Variants in XKR9 observed in about 807,000 individuals in gnomAD.
The protein encoded by XKR9 is XK related 9, also known as XK-related protein 9.
In XKR9, 32 loss-of-function variants were observed where a neutral mutation model predicts 32.0. That is an observed-to-expected ratio of 1.00 (90% CI 0.76 to 1.34). XKR9 has a LOEUF of 1.34. Among genes scored for constraint, XKR9 ranks in the 40% most tolerant of loss-of-function variants. The pLI, the probability that XKR9 is intolerant of heterozygous loss-of-function variation, is 0.00. For synonymous variants in XKR9, 168 were observed against 143.4 expected (o/e 1.17, Z -1.22); for missense variants, 546 against 429.7 (o/e 1.27, Z -2.39).
the XKR9 span, among the ~76,000 whole-genome samples, chr8:70,805,478 C>T: frequency 6.6e-6 from 1 of 152,146 alleles, no homozygotes; most frequent in East Asian, 1.9e-4. Flanking sequence ...AAGCCAGCAC[C>T]GGGACTCACA....
chr8:71,030,894 G>A, the XKR9 span, among the ~76,000 whole-genome samples: 1 of 152,114 alleles, frequency 6.6e-6, no homozygotes, highest in Non-Finnish European at 1.5e-5. Flanking sequence ...CTGTAATTCA[G>A]TGACTGTTAT....
the XKR9 span, among the ~76,000 whole-genome samples, chr8:70,816,695 T>C: frequency 9.9e-5 from 15 of 152,112 alleles, no homozygotes; most frequent in Admixed American, 5.9e-4. Context: ...ACAGAATCCT[T>C]GCAAGCCCGA....
intron 4 of XKR9, among the ~76,000 whole-genome samples, chr8:70,724,069 C>T (rs1466513803): frequency 2.6e-5 from 4 of 151,994 alleles, no homozygotes; most frequent in Non-Finnish European, 4.4e-5. Context: ...GCCTTTTCTT[C>T]GGAGATGCCC....
chr8:70,836,815 T>G, the XKR9 span, among the ~76,000 whole-genome samples: 1 of 152,142 alleles, frequency 6.6e-6, no homozygotes, highest in African/African-American at 2.4e-5. Flanking sequence ...GGCACTATGC[T>G]GGGCACTGGG....
At chr8:70,951,554 A>T in the XKR9 span, among the ~76,000 whole-genome samples, 1 of 152,290 alleles carries the variant, frequency 6.6e-6, no homozygotes, top group African/African-American at 2.4e-5. Flanking sequence ...CAAATCAGTT[A>T]TGTGTACCTG....
chr8:70,689,505 A>G (rs1412836643), intron 3 of XKR9, among the ~76,000 whole-genome samples: 1 of 148,702 alleles, frequency 6.7e-6, no homozygotes, highest in Non-Finnish European at 1.5e-5. Flanking sequence ...TGTATTATAT[A>G]TATATGTATA....
chr8:70,972,170 C>T, the XKR9 span, among the ~76,000 whole-genome samples: 3 of 152,040 alleles, frequency 2.0e-5, no homozygotes, highest in African/African-American at 7.2e-5. Context: ...AGAGGTCTTT[C>T]TTGTCCTTGG....
At chr8:70,745,509 G>A (rs1347951486) in intron 2 of XKR9, among the ~76,000 whole-genome samples, 1 of 152,172 alleles carries the variant, frequency 6.6e-6, no homozygotes, top group Non-Finnish European at 1.5e-5. Flanking sequence ...CTCCTGGAGT[G>A]CTTATTGAAA....
the XKR9 span, among the ~76,000 whole-genome samples, chr8:71,024,162 G>A: frequency 1.3e-5 from 2 of 152,176 alleles, no homozygotes; most frequent in African/African-American, 4.8e-5. Context: ...TGCAGTAATG[G>A]CAGTGGACAG....
At chr8:70,821,713 G>A in the XKR9 span, among the ~76,000 whole-genome samples, 1 of 152,218 alleles carries the variant, frequency 6.6e-6, no homozygotes, top group Non-Finnish European at 1.5e-5. Context: ...CTGAAGCAAT[G>A]GCCTGAGCAG....
the XKR9 span, among the ~76,000 whole-genome samples, chr8:70,951,423 C>T: frequency 6.6e-6 from 1 of 152,226 alleles, no homozygotes; most frequent in African/African-American, 2.4e-5. Context: ...TCATGGCCAG[C>T]TGAAACCATC....
intron 3 of XKR9, among the ~76,000 whole-genome samples, chr8:70,704,642 T>C (rs1214604345): frequency 6.6e-5 from 10 of 152,178 alleles, no homozygotes; most frequent in Admixed American, 5.9e-4. Flanking sequence ...TTTGCTCTGC[T>C]ACCTCTCTCA....
the XKR9 span, among the ~76,000 whole-genome samples, chr8:70,801,797 G>A: frequency 6.6e-6 from 1 of 152,128 alleles, no homozygotes; most frequent in Non-Finnish European, 1.5e-5. Flanking sequence ...GGTTATCTGA[G>A]TCTATTCATA....
At chr8:70,745,371 AAG>A (rs1378282900) in intron 2 of XKR9, among the ~76,000 whole-genome samples, 1 of 152,224 alleles carries the variant, frequency 6.6e-6, no homozygotes, top group Non-Finnish European at 1.5e-5. Flanking sequence ...AAATTTAAAA[AAG>A]AAAAATAATT....
chr8:70,786,874 G>T (rs1344204803), intron 2 of XKR9, among the ~76,000 whole-genome samples: 2 of 151,990 alleles, frequency 1.3e-5, no homozygotes, highest in South Asian at 2.1e-4. Context: ...TTCCTTCGTG[G>T]TTGATGGTTT....
chr8:70,900,309 C>T, the XKR9 span, among the ~76,000 whole-genome samples: 1 of 152,036 alleles, frequency 6.6e-6, no homozygotes, highest in Non-Finnish European at 1.5e-5. Flanking sequence ...AGGAACTCCA[C>T]GCTGGGTGCA....
chr8:71,050,233 A>G, the XKR9 span, among the ~76,000 whole-genome samples: 1 of 102,852 alleles, frequency 9.7e-6, no homozygotes, highest in Non-Finnish European at 2.2e-5. Context: ...TATGCCTGGC[A>G]GAGATATATA....
At chr8:70,740,258 A>G (rs1402063031), downstream of XKR9, among the ~76,000 whole-genome samples, 2 of 151,952 alleles carry the variant, frequency 1.3e-5, no homozygotes, top group Non-Finnish European at 2.9e-5. Flanking sequence ...AGTTGATCGC[A>G]TTGGCTCCTG....
intron 1 of XKR9, among the ~76,000 whole-genome samples, chr8:70,670,870 T>C (rs1324093493): frequency 1.3e-5 from 2 of 152,152 alleles, no homozygotes; most frequent in Non-Finnish European, 2.9e-5. Context: ...AGCCATCAAT[T>C]AATGGCTATT....
Sources: allele counts gnomAD v4.1 joint callset (sites outside exome capture counted in the v4.1 genomes callset), GRCh38; gene constraint gnomAD v4.1.1; transcripts MANE v1.5; gene names NCBI Gene and HGNC (gene_info 2026-07-23, HGNC 2026-07-21).